Variants in SNCAIP observed in about 807,000 individuals in gnomAD.
The protein encoded by SNCAIP is synphilin-1.
A neutral mutation model predicts 86.7 loss-of-function variants in SNCAIP; 43 were observed. That is an observed-to-expected ratio of 0.50 (90% confidence interval 0.39 to 0.64). The LOEUF (loss-of-function observed/expected upper bound fraction) is 0.64. Ranked by LOEUF, SNCAIP falls within the 30% of genes least tolerant of loss-of-function variation. SNCAIP has a pLI of 0.00. For synonymous variants in SNCAIP, 417 were observed against 427.2 expected (o/e 0.98, Z 0.29); for missense variants, 981 against 1,103.1 (o/e 0.89, Z 1.57).
chr5:122,353,188 T>C (rs1393650410), intron 1 of SNCAIP, among the ~76,000 whole-genome samples: 2 of 151,992 alleles, frequency 1.3e-5, no homozygotes, highest in Non-Finnish European at 2.9e-5. Flanking sequence ...AAATATTATG[T>C]TGAGCAAAAA....
chr5:122,324,549 G>A (rs1024335442), intron 1 of SNCAIP, among the ~76,000 whole-genome samples: 4 of 152,214 alleles, frequency 2.6e-5, no homozygotes, highest in Middle Eastern at 3.2e-3. Flanking sequence ...TGTCTAACAA[G>A]TAAATGTGTT....
In SNCAIP at chr5:122,449,929, T is replaced by C. The variant is rs1783351273; in HGVS notation, c.1677T>C (p.Ser559=). 1.9e-6 allele frequency: 3 copies of C among 1,608,520 alleles called. No homozygotes were observed. The highest frequency in any genetic ancestry group is 2.6e-6 in the Non-Finnish European group (3 of 1,175,060). ...AATCAGAGGGCAAGTCACTCCCTTCTTCACCCAGGTAATACCAGCACATTG... is the reference window on the plus strand; with the variant it reads ...AATCAGAGGGCAAGTCACTCCCTTCCTCACCCAGGTAATACCAGCACATTG... ...AQKSEGKSLP[S]SPSSPSSPAS... is the part of the protein sequence containing the mutation. The change falls in exon 9 of 11, where the codon TCT becomes TCC. Residue 559 remains serine, a synonymous_variant. Transcript: ENST00000261368.
intron 1 of SNCAIP, among the ~76,000 whole-genome samples, chr5:122,355,510 A>G (rs1760814871): frequency 6.6e-6 from 1 of 152,150 alleles, no homozygotes; most frequent in South Asian, 2.1e-4. Context: ...AACCTATAAA[A>G]TTGCCCATAA....
At chr5:122,430,682 T>C (rs1778236838) in intron 5 of SNCAIP, among the ~76,000 whole-genome samples, 1 of 152,096 alleles carries the variant, frequency 6.6e-6, no homozygotes, top group Non-Finnish European at 1.5e-5. Flanking sequence ...ATTGTAGCTA[T>C]TTACATGCCT....
At chr5:122,360,398 G>A (rs912933597) in intron 1 of SNCAIP, among the ~76,000 whole-genome samples, 1 of 152,140 alleles carries the variant, frequency 6.6e-6, no homozygotes, top group African/African-American at 2.4e-5. Flanking sequence ...TCTTGTGGAC[G>A]CTGGTGATGA....
chr5:122,408,711 A>T (rs1230563273), intron 3 of SNCAIP, among the ~76,000 whole-genome samples: 1 of 152,202 alleles, frequency 6.6e-6, no homozygotes, highest in African/African-American at 2.4e-5. Flanking sequence ...GGAAGCAAAA[A>T]ACTAGGAGTG....
At chr5:122,382,809 G>A (rs1767162359) in intron 1 of SNCAIP, among the ~76,000 whole-genome samples, 1 of 152,252 alleles carries the variant, frequency 6.6e-6, no homozygotes, top group South Asian at 2.1e-4. Flanking sequence ...GCCGTGTGAG[G>A]TGTCAGTGTG....
chr5:122,447,449 C>A (rs1487593999), intron 8 of SNCAIP, among the ~76,000 whole-genome samples: 1 of 152,180 alleles, frequency 6.6e-6, no homozygotes, highest in African/African-American at 2.4e-5. Context: ...TCTTCCTTCT[C>A]CATTCATACC....
At chr5:122,439,662 A>G (rs1218965678) in intron 6 of SNCAIP, among the ~76,000 whole-genome samples, 1 of 152,234 alleles carries the variant, frequency 6.6e-6, no homozygotes, top group Non-Finnish European at 1.5e-5. Flanking sequence ...ACTGGAAAAA[A>G]AAATCCTTTA....
At chr5:122,373,637 T>G (rs574009910) in intron 1 of SNCAIP, among the ~76,000 whole-genome samples, 1 of 152,204 alleles carries the variant, frequency 6.6e-6, no homozygotes, top group Non-Finnish European at 1.5e-5. Flanking sequence ...CAGACATCCT[T>G]TCTTCTAATT....
At chr5:122,377,565 T>A (rs1765625023) in intron 1 of SNCAIP, among the ~76,000 whole-genome samples, 1 of 151,732 alleles carries the variant, frequency 6.6e-6, no homozygotes, top group Non-Finnish European at 1.5e-5. Context: ...ATACTTTAAG[T>A]TTTAGGGTAC....
intron 1 of SNCAIP, among the ~76,000 whole-genome samples, chr5:122,353,893 G>C (rs1161117300): frequency 6.6e-6 from 1 of 152,160 alleles, no homozygotes; most frequent in Non-Finnish European, 1.5e-5. Flanking sequence ...GGGTGAGCCA[G>C]TATGAAAACC....
intron 10 of SNCAIP, among the ~76,000 whole-genome samples, chr5:122,456,789 A>G (rs1223656230): frequency 6.6e-6 from 1 of 152,206 alleles, no homozygotes; most frequent in Non-Finnish European, 1.5e-5. Flanking sequence ...GATAATGATA[A>G]ACCTACTCAA....
At chr5:122,377,494 CAGAGAGAG>C (rs3031391) in intron 1 of SNCAIP, among the ~76,000 whole-genome samples, 43,359 of 149,162 alleles carry the variant, frequency 0.29, 7,017 homozygotes, top group East Asian at 0.38. Context: ...GGGAGACAGA[CAGAGAGAG>C]AGAGAGAGAG....
At chr5:122,393,546 C>T (rs73794598) in intron 2 of SNCAIP, among the ~76,000 whole-genome samples, 35 of 152,110 alleles carry the variant, frequency 2.3e-4, no homozygotes, top group African/African-American at 8.5e-4. Context: ...GCAATTTTAC[C>T]TGCCCCACCC....
At chr5:122,373,431 A>G (rs370013238) in intron 1 of SNCAIP, among the ~76,000 whole-genome samples, 2 of 152,252 alleles carry the variant, frequency 1.3e-5, no homozygotes. Flanking sequence ...TGTCTCACTA[A>G]AGACCTCTTA....
intron 1 of SNCAIP, among the ~76,000 whole-genome samples, chr5:122,326,115 A>G (rs1315405511): frequency 1.3e-5 from 2 of 152,208 alleles, no homozygotes; most frequent in Admixed American, 6.5e-5. Flanking sequence ...AATTACTGTA[A>G]GGGCTGAGGC....
intron 1 of SNCAIP, among the ~76,000 whole-genome samples, chr5:122,366,136 G>A (rs1763142586): frequency 2.0e-5 from 3 of 152,154 alleles, no homozygotes; most frequent in African/African-American, 4.8e-5. Flanking sequence ...AATGCTGAAA[G>A]AGCTGAGCCA....
chr5:122,324,456 C>T (rs1038921707), intron 1 of SNCAIP, among the ~76,000 whole-genome samples: 8 of 152,210 alleles, frequency 5.3e-5, no homozygotes, highest in African/African-American at 1.7e-4. Flanking sequence ...ATTGTTTTCT[C>T]AATGTATACG....
Sources: gnomAD v4.1 joint callset for allele counts (sites outside exome capture counted in the v4.1 genomes callset) on GRCh38, gnomAD v4.1.1 for gene constraint, MANE v1.5 for transcripts, NCBI Gene and HGNC (gene_info 2026-07-23, HGNC 2026-07-21) for gene names.